PKNOX1: variants seen among roughly 807,000 people sequenced by gnomAD.
The protein encoded by PKNOX1 is PBX/knotted 1 homeobox 1, also known as homeobox protein PKNOX1.
In PKNOX1, 15 loss-of-function variants were observed where a neutral mutation model predicts 51.9. The observed-to-expected ratio is 0.29, with a 90% CI of 0.19 to 0.45. The LOEUF is 0.45. Ranked by LOEUF, PKNOX1 falls within the 20% of genes least tolerant of loss-of-function variation. The pLI is 1.00. For missense variants in PKNOX1, 462 were observed against 547.5 expected, an observed-to-expected ratio of 0.84 and a Z score of 1.56; for synonymous variants, 219 against 211.1, an observed-to-expected ratio of 1.04 and a Z score of -0.32.
At chr21:43,023,533 T>C (rs1348252254) in intron 8 of PKNOX1, among the ~76,000 whole-genome samples, 1 of 152,146 alleles carries the variant, frequency 6.6e-6, no homozygotes, top group Non-Finnish European at 1.5e-5. Flanking sequence ...GGTTTCCACA[T>C]ATAGACAGTC....
At chr21:43,014,095 T>C (rs563809903) in intron 5 of PKNOX1, among the ~76,000 whole-genome samples, 110 of 150,808 alleles carry the variant, frequency 7.3e-4, no homozygotes, top group Admixed American at 3.2e-3. Flanking sequence ...GATCTCGGCT[T>C]ACTGCAAACT....
At chr21:43,013,298 C>T (rs73909313) in intron 5 of PKNOX1, 60 bp downstream of exon 5, 26 of 1,220,758 alleles carry the variant, frequency 2.1e-5, no homozygotes, top group East Asian at 1.5e-4. Flanking sequence ...TGCATTGAGT[C>T]ATGAGACCAC....
At chr21:42,995,480 C>T (rs747049498) in intron 1 of PKNOX1, among the ~76,000 whole-genome samples, 26 of 152,238 alleles carry the variant, frequency 1.7e-4, no homozygotes, top group Non-Finnish European at 3.1e-4. Flanking sequence ...GAGTTCAAGA[C>T]CAGCCTGGGC....
At chr21:43,026,138 A>G (rs891202857) in intron 9 of PKNOX1, among the ~76,000 whole-genome samples, 1 of 152,138 alleles carries the variant, frequency 6.6e-6, no homozygotes, top group Admixed American at 6.5e-5. Flanking sequence ...GCGTCTCTGG[A>G]TGTGCTGGTG....
intron 1 of PKNOX1, among the ~76,000 whole-genome samples, chr21:43,002,864 A>G (rs530932831): frequency 6.6e-6 from 1 of 152,112 alleles, no homozygotes; most frequent in Non-Finnish European, 1.5e-5. Context: ...CTATAGGCGC[A>G]TGCCACCATG....
rs560152439 is a variant in PKNOX1, at chr21:43,023,149, G to A, written c.849+1718G>A. Among the ~76,000 whole-genome samples, 15 of 152,018 alleles carry A rather than the reference G, an allele frequency of 9.9e-5. No individual in the cohort carries two copies. The South Asian group carries it at 1.5e-3, about 15-fold the overall frequency. On this transcript the variant is annotated intron_variant, in intron 8 of 10. Coordinates refer to ENST00000291547, the MANE Select transcript of PKNOX1 (RefSeq NM_004571.5). ...ATACTCTGGGGCAGCATCTCTGGCT[G>A]TTTGGTGTTTTCTGCTTGTGTGCTC...
intron 1 of PKNOX1, among the ~76,000 whole-genome samples, chr21:43,001,235 G>A (rs1329575286): frequency 2.6e-5 from 4 of 152,210 alleles, no homozygotes; most frequent in East Asian, 1.9e-4. Flanking sequence ...GCCGTTATCC[G>A]TTATACCAGG....
Position 43,031,289 on chromosome 21 carries a change from C to T in PKNOX1, c.*1188C>T, listed in dbSNP as rs1289783931. On this transcript the variant is annotated 3_prime_UTR_variant, in exon 11 of 11. Transcript: ENST00000291547. ...CTTAACTAGCGGACATCCCTGGAGT[C>T]CCAGCAGCGAGCTGGTCTGGCGAGG... 1 of 152,644 alleles carries T rather than the reference C, an allele frequency of 6.6e-6. No individual in the cohort carries two copies. The highest frequency in any genetic ancestry group is 2.4e-5 in the African/African-American group (1 of 41,464). 9.5% of individuals were successfully genotyped at this position (152,644 alleles called of 1,614,324 possible).
chr21:42,988,181 G>A (rs958056724), intron 1 of PKNOX1, among the ~76,000 whole-genome samples: 1 of 152,054 alleles, frequency 6.6e-6, no homozygotes, highest in Middle Eastern at 3.2e-3. Flanking sequence ...AGCCTCTTGA[G>A]TAGCTGAAAT....
At position 43,010,152 on chromosome 21, in the gene PKNOX1, C is replaced by T. The variant is rs763495037; in HGVS notation, c.279C>T (p.Ile93=). The T allele has an allele frequency of 1.9e-6, 3 of 1,604,548 alleles. No individual in the cohort carries two copies. The highest frequency in any genetic ancestry group is 1.3e-5 in the African/African-American group (1 of 74,748). ...GTTSASFDVD[I]ENFVRKQEKE... The stretch of plus-strand genomic sequence containing the variant: ...CTTCTGCCAGTTTTGATGTAGACAT[C>T]GAAAATTTTGTAAGAAAGCAAGAGA... Residue 93 remains isoleucine, a synonymous_variant, in exon 4 of 11, where the codon ATC becomes ATT. Transcript: ENST00000291547.
chr21:42,981,215 T>C (rs1019252504), intron 1 of PKNOX1, among the ~76,000 whole-genome samples: 35 of 152,298 alleles, frequency 2.3e-4, no homozygotes, highest in Admixed American at 9.1e-4. Flanking sequence ...GTCTGGAAAC[T>C]GTTAGGAGAA....
At chr21:43,010,013 G>A (rs773820119) in intron 3 of PKNOX1, 40 bp from the exon 4 acceptor site, 2 of 1,353,388 alleles carry the variant, frequency 1.5e-6, no homozygotes, top group Non-Finnish European at 2.0e-6. Flanking sequence ...TCACGGAGAT[G>A]TAGAACGTAA....
intron 1 of PKNOX1, among the ~76,000 whole-genome samples, chr21:42,983,795 G>GT (rs1397982761): frequency 6.6e-6 from 1 of 152,092 alleles, no homozygotes; most frequent in Admixed American, 6.6e-5. Flanking sequence ...TAAGGAGAGA[G>GT]TATCAGTTTA....
chr21:42,987,402 AAAATATAT>A (rs1322988945), intron 1 of PKNOX1, among the ~76,000 whole-genome samples: 9 of 62,588 alleles, frequency 1.4e-4, no homozygotes, highest in Non-Finnish European at 2.9e-4. Context: ...AAAAAAAAAA[AAAATATAT>A]ATATATATAT....
chr21:43,008,217 AAAG>A (rs1291497867), intron 3 of PKNOX1, among the ~76,000 whole-genome samples: 3 of 152,230 alleles, frequency 2.0e-5, no homozygotes, highest in African/African-American at 2.4e-5. Flanking sequence ...CCCAACATAT[AAAG>A]AAGAAGAGAG....
At chr21:42,987,551 AC>A (rs2059060781) in intron 1 of PKNOX1, among the ~76,000 whole-genome samples, 3 of 150,772 alleles carry the variant, frequency 2.0e-5, no homozygotes, top group Admixed American at 2.0e-4. Flanking sequence ...TTGGCAAACC[AC>A]AGGCCTATGG....
At chr21:42,996,364 G>A (rs1369336987) in intron 1 of PKNOX1, among the ~76,000 whole-genome samples, 1 of 152,148 alleles carries the variant, frequency 6.6e-6, no homozygotes, top group Non-Finnish European at 1.5e-5. Flanking sequence ...GGGGGTTCTG[G>A]CTGAACTGAC....
chr21:43,018,213 A>G lies in PKNOX1; in HGVS notation c.703A>G (p.Arg235Gly), dbSNP rs1036385596. Residue 235 changes from arginine to glycine, a missense_variant, in exon 7 of 11, where the codon AGG becomes GGG. This residue lies in a region of PKNOX1 where 126 missense variants were observed against 128.1 expected (regional missense o/e 0.98). Transcript: ENST00000291547. ...ACAGACATTGTCGCCTGGGACAATT[A>G]GGATCCAGAACTCCCAGGTGCGTGC... The part of the protein sequence containing the change: ...VTQTLSPGTI[R>G]IQNSQLQLQL... 9 of 1,613,180 alleles carry G rather than the reference A, an allele frequency of 5.6e-6. No homozygotes were observed. Among genetic ancestry groups the G allele is most frequent in the Non-Finnish European group, 7.6e-6 (9 of 1,179,198 alleles).
At position 43,031,517 on chromosome 21, in the gene PKNOX1, T is replaced by G. The variant is rs1375221802; in HGVS notation, c.*1416T>G. 1 of 152,240 alleles carries G rather than the reference T, an allele frequency of 6.6e-6. No homozygotes were observed. 9.4% of individuals were successfully genotyped at this position (152,240 alleles called of 1,614,324 possible). ...GAGAGTGGGCTGGGTTCTGTTTTCTTTGGTTTTGATTTGTTTTCATTGTTT... is the reference window on the plus strand; with the variant it reads ...GAGAGTGGGCTGGGTTCTGTTTTCTGTGGTTTTGATTTGTTTTCATTGTTT... On this transcript the variant is annotated 3_prime_UTR_variant, in exon 11 of 11. Transcript: ENST00000291547.
Sources: gnomAD v4.1 joint callset for allele counts (sites outside exome capture counted in the v4.1 genomes callset) on GRCh38, gnomAD v4.1.1 for gene constraint, gnomAD v4.1.1 regional missense constraint, MANE v1.5 for transcripts, NCBI Gene and HGNC (gene_info 2026-07-23, HGNC 2026-07-21) for gene names.